The following MEMO1 variants were observed in gnomAD, a reference collection of about 807,000 sequenced individuals.
MEMO1 encodes protein MEMO1.
In MEMO1, 6 loss-of-function variants were observed where a neutral mutation model predicts 45.2. The ratio of observed to expected loss-of-function variants is 0.13; its 90% CI spans 0.07 to 0.26. MEMO1 has a LOEUF of 0.26. Among genes scored for constraint, MEMO1 ranks in the 10% least tolerant of loss-of-function variants. The pLI is 1.00. For synonymous variants in MEMO1, 78 were observed against 124.3 expected (o/e 0.63, Z 2.48); for missense variants, 184 against 370.5 (o/e 0.50, Z 4.13).
chr2:31,881,301 G>A (rs1036686931), intron 8 of MEMO1, among the ~76,000 whole-genome samples: 1 of 150,300 alleles, frequency 6.7e-6, no homozygotes, highest in African/African-American at 2.4e-5. Context: ...ACCAGTCTGG[G>A]CAACATGGCG....
At chr2:32,002,206 T>TGTATATATACAC (rs1673454663) in intron 2 of MEMO1, among the ~76,000 whole-genome samples, 1 of 133,822 alleles carries the variant, frequency 7.5e-6, no homozygotes, top group African/African-American at 2.9e-5. Flanking sequence ...CACACACATG[T>TGTATATATACAC]ATATACGTAT....
intron 2 of MEMO1, among the ~76,000 whole-genome samples, chr2:31,957,741 T>C (rs1232660504): frequency 6.6e-6 from 1 of 152,236 alleles, no homozygotes; most frequent in African/African-American, 2.4e-5. Flanking sequence ...AATTAACAGT[T>C]ACAACAGTTT....
At chr2:31,948,729 T>C (rs1298953713) in intron 2 of MEMO1, among the ~76,000 whole-genome samples, 2 of 152,104 alleles carry the variant, frequency 1.3e-5, no homozygotes, top group South Asian at 2.1e-4. Context: ...CGAAACCCCG[T>C]CTCTACTAAA....
intron 8 of MEMO1, among the ~76,000 whole-genome samples, chr2:31,873,812 C>G (rs1026698395): frequency 6.6e-6 from 1 of 151,930 alleles, no homozygotes; most frequent in Non-Finnish European, 1.5e-5. Context: ...AGGAAATATT[C>G]TAGTTTCTTT....
chr2:31,880,125 C>A (rs1675137320), intron 8 of MEMO1, among the ~76,000 whole-genome samples: 1 of 152,166 alleles, frequency 6.6e-6, no homozygotes, highest in African/African-American at 2.4e-5. Flanking sequence ...TTCTTTATGT[C>A]CTCAATACTG....
chr2:31,923,586 G>A, intron 4 of MEMO1: 2 of 1,494,874 alleles, frequency 1.3e-6, no homozygotes, highest in Non-Finnish European at 1.8e-6. Context: ...TATAGAGAAT[G>A]GTAACTCAGA....
At chr2:32,007,190 C>T (rs529240286) in intron 2 of MEMO1, among the ~76,000 whole-genome samples, 2 of 152,222 alleles carry the variant, frequency 1.3e-5, no homozygotes, top group South Asian at 4.1e-4. Context: ...GTGTACCTTC[C>T]ATTCTTATTA....
intron 2 of MEMO1, among the ~76,000 whole-genome samples, chr2:31,982,297 GA>G (rs780168253): frequency 1.0e-3 from 85 of 82,086 alleles, no homozygotes; most frequent in Admixed American, 1.2e-3. Context: ...CTCTGTCTTC[GA>G]AAAAAAAAAA....
At chr2:31,917,890 T>C in intron 6 of MEMO1, 36 bp downstream of exon 6, 2 of 1,387,740 alleles carry the variant, frequency 1.4e-6, no homozygotes, top group South Asian at 1.3e-5. Context: ...TTAATGTCTA[T>C]GATTTCCTGG....
chr2:31,991,027 T>C lies in MEMO1; in HGVS notation c.61+19160A>G, dbSNP rs539390206. On this transcript the variant is annotated intron_variant, in intron 2 of 9. Transcript: ENST00000404530. ...AAGCAAAATAATGACTATGTTATAATATGAAAAGATCTTCAACTATCAAAT... is the reference window on the plus strand; with the variant it reads ...AAGCAAAATAATGACTATGTTATAACATGAAAAGATCTTCAACTATCAAAT... 9.2e-5 allele frequency among the ~76,000 whole-genome samples: 14 copies of C among 152,244 alleles called. No homozygotes were observed. The South Asian group carries it at 2.9e-3, about 32-fold the overall frequency.
chr2:31,998,438 T>C (rs922359701), intron 2 of MEMO1, among the ~76,000 whole-genome samples: 2 of 152,210 alleles, frequency 1.3e-5, no homozygotes, highest in Non-Finnish European at 2.9e-5. Context: ...TTCTAAGGCT[T>C]GGTCACTGAA....
At chr2:31,921,997 C>A (rs1682383260) in intron 4 of MEMO1, among the ~76,000 whole-genome samples, 1 of 152,246 alleles carries the variant, frequency 6.6e-6, no homozygotes, top group South Asian at 2.1e-4. Context: ...AATCTGAATT[C>A]CAAAACTATC....
intron 8 of MEMO1, among the ~76,000 whole-genome samples, chr2:31,875,681 CTTCCT>C (rs1266459673): frequency 6.6e-6 from 1 of 151,854 alleles, no homozygotes; most frequent in African/African-American, 2.4e-5. Flanking sequence ...ATTGTTGCTA[CTTCCT>C]TTATTTTTTT....
At chr2:31,879,285 C>T in intron 8 of MEMO1, among the ~76,000 whole-genome samples, 1 of 152,152 alleles carries the variant, frequency 6.6e-6, no homozygotes. Context: ...AAAGCTCATC[C>T]TCTCTGTGAT....
At chr2:32,000,615 C>T (rs1673177580) in intron 2 of MEMO1, among the ~76,000 whole-genome samples, 1 of 152,140 alleles carries the variant, frequency 6.6e-6, no homozygotes, top group African/African-American at 2.4e-5. Context: ...ATCCGCCCTC[C>T]TCGGCCTCCC....
intron 8 of MEMO1, 72 bp downstream of exon 8, chr2:31,883,314 A>G: frequency 9.9e-7 from 1 of 1,006,408 alleles, no homozygotes; most frequent in Non-Finnish European, 1.5e-6. Context: ...CAACATGTTA[A>G]GTCTTGAATT....
chr2:31,892,132 T>A lies in MEMO1; in HGVS notation c.440A>T (p.His147Leu). Residue 147 changes from histidine to leucine, a missense_variant and splice_region_variant, in exon 7 of 10, where the codon CAT becomes CTT. This residue lies in a region of MEMO1 where 97 missense variants were observed against 209.3 expected (regional missense o/e 0.46). Transcript: ENST00000404530. The stretch of plus-strand genomic sequence containing the variant: ...AGGAATAATGGTAAACTCATCCTTA[T>A]GGCTTAAAGAAAACAGAAAAAAAAA... Reference protein sequence around the residue: ...LPYTAKAMESHKDEFTIIPVL... With the variant: ...LPYTAKAMESLKDEFTIIPVL... 1.3e-6 allele frequency: 2 copies of A among 1,574,846 alleles called. No homozygotes were observed. The highest frequency in any genetic ancestry group is 1.7e-6 in the Non-Finnish European group (2 of 1,167,038).
chr2:31,891,395 G>A (rs1207462364), intron 7 of MEMO1, among the ~76,000 whole-genome samples: 3 of 152,040 alleles, frequency 2.0e-5, no homozygotes, highest in African/African-American at 7.2e-5. Flanking sequence ...TCACTGTGAC[G>A]TGTCCTTGCT....
intron 2 of MEMO1, among the ~76,000 whole-genome samples, chr2:31,977,605 C>T (rs1311314700): frequency 6.6e-6 from 1 of 152,118 alleles, no homozygotes; most frequent in Non-Finnish European, 1.5e-5. Context: ...CCTCTGCCTC[C>T]TAGGTACAAG....
Sources: allele counts gnomAD v4.1 joint callset (sites outside exome capture counted in the v4.1 genomes callset), GRCh38; gene constraint gnomAD v4.1.1; regional missense constraint gnomAD v4.1.1; transcripts MANE v1.5; gene names NCBI Gene and HGNC (gene_info 2026-07-23, HGNC 2026-07-21).